The following HDLBP variants were observed in gnomAD, a reference collection of about 807,000 sequenced individuals.
The protein encoded by HDLBP is vigilin.
Under a neutral mutation model 137.3 loss-of-function variants are expected in HDLBP, and 30 were observed. The ratio of observed to expected loss-of-function variants is 0.22; its 90% CI spans 0.16 to 0.30. HDLBP has a LOEUF of 0.30. Ranked by LOEUF, HDLBP falls within the 10% of genes least tolerant of loss-of-function variation. HDLBP has a pLI of 1.00. For synonymous variants in HDLBP, 606 were observed against 596.0 expected, an observed-to-expected ratio of 1.02 and a Z score of -0.24; for missense variants, 1,119 against 1,667.3, an observed-to-expected ratio of 0.67 and a Z score of 5.73.
chr2:241,235,220 A>G lies in HDLBP; in HGVS notation c.3045T>C (p.Ser1015=). The G allele has an allele frequency of 6.2e-7, 1 of 1,614,196 alleles. No homozygotes were observed. ...CGAGGCCCGTGATGGCGATGATGTCAGACTGCAGCTCAGGTGCCGGGACAT... is the reference window on the plus strand; with the variant it reads ...CGAGGCCCGTGATGGCGATGATGTCGGACTGCAGCTCAGGTGCCGGGACAT... ...NIHVPAPELQ[S]DIIAITGLAA... Residue 1015 remains serine (S), a synonymous_variant, in exon 23 of 28, where the codon TCT becomes TCC. Coordinates refer to ENST00000310931, the MANE Select transcript of HDLBP (RefSeq NM_005336.6).
rs2072961470 is a variant in HDLBP at position 241,259,258 on chromosome 2, A to G, written c.451-2452T>C. ...TATTTTGCTTCTGCTCTCAAACAACAAACAACAAAGGATAAACCAGGACCA... is the reference window on the plus strand; with the variant it reads ...TATTTTGCTTCTGCTCTCAAACAACGAACAACAAAGGATAAACCAGGACCA... On this transcript the variant is annotated intron_variant, in intron 5 of 27. Coordinates refer to ENST00000310931, the MANE Select transcript of HDLBP (RefSeq NM_005336.6). Among the ~76,000 whole-genome samples, 6 of 152,344 alleles carry G rather than the reference A, an allele frequency of 3.9e-5. No individual in the cohort carries two copies. The South Asian group carries it at 1.0e-3, about 26-fold the overall frequency.
At chr2:241,262,565 G>A (rs1319699906) in intron 5 of HDLBP, 146 bp downstream of exon 5, 8 of 612,002 alleles carry the variant, frequency 1.3e-5, no homozygotes, top group South Asian at 8.6e-5. Context: ...AAATGCCAGA[G>A]GACTCTGAAT....
At chr2:241,304,182 C>CA (rs1412454068) in intron 1 of HDLBP, among the ~76,000 whole-genome samples, 1 of 152,216 alleles carries the variant, frequency 6.6e-6, no homozygotes, top group Non-Finnish European at 1.5e-5. Context: ...GTTCATCCCT[C>CA]AAAATACGTA....
chr2:241,285,438 C>G (rs1313861877), intron 1 of HDLBP, among the ~76,000 whole-genome samples: 2 of 152,186 alleles, frequency 1.3e-5, no homozygotes, highest in Non-Finnish European at 2.9e-5. Context: ...ACACAAAGCA[C>G]TATCACTGAC....
chr2:241,298,367 A>T (rs1228568885), intron 1 of HDLBP, among the ~76,000 whole-genome samples: 1 of 152,060 alleles, frequency 6.6e-6, no homozygotes, highest in Non-Finnish European at 1.5e-5. Flanking sequence ...CTCAGTCTGA[A>T]AAAATAATAA....
chr2:241,273,500 T>G (rs891544367), intron 1 of HDLBP: 2 of 734,692 alleles, frequency 2.7e-6, no homozygotes, highest in African/African-American at 1.9e-5. Flanking sequence ...ATCCCTACTC[T>G]CGGGGTCTCC....
rs2074543165 is a variant in HDLBP, at chr2:241,280,204, A to C, written c.-102-11663T>G. 1.0e-5 allele frequency: 8 copies of C among 768,098 alleles called. No homozygotes were observed. In the South Asian group the frequency reaches 4.1e-4, roughly 39 times the overall value. 47.6% of individuals were successfully genotyped at this position (768,098 alleles called of 1,614,324 possible). A position where few individuals can be genotyped will look rare whatever the true frequency, so the allele number is the denominator to read the frequency against. On this transcript the variant is annotated intron_variant, in intron 1 of 27. Transcript: ENST00000310931. ...ATCCCATTTGAAAGCTGAAAATTTA[A>C]AATTATATGTGGCTCATATTACATT... is the stretch of plus-strand genomic sequence containing the variant.
In HDLBP at chr2:241,236,754, G is replaced by A; in HGVS notation, c.2765C>T (p.Pro922Leu). ...REENAVHSTEPVVQENGDEAG... is the reference protein window; with the variant it reads ...REENAVHSTELVVQENGDEAG... ...TTCGTCCCCATTCTCCTGGACAACTGGCTCTGTACTGTGAACTAGAGAGAA... is the reference window on the plus strand; with the variant it reads ...TTCGTCCCCATTCTCCTGGACAACTAGCTCTGTACTGTGAACTAGAGAGAA... Residue 922 changes from proline to leucine, a missense_variant, in exon 21 of 28, where the codon CCA (proline) becomes CTA (leucine). By Grantham distance (98) the Pro-to-Leu change is moderately conservative. This residue lies in a region of HDLBP where 618 missense variants were observed against 816.7 expected (regional missense o/e 0.76). Transcript: ENST00000310931. 1 of 1,614,186 alleles carries A rather than the reference G, an allele frequency of 6.2e-7. No individual in the cohort carries two copies. The highest frequency in any genetic ancestry group is 8.5e-7 in the Non-Finnish European group (1 of 1,180,020).
chr2:241,247,748 C>T (rs2071792119), intron 14 of HDLBP, among the ~76,000 whole-genome samples: 2 of 152,234 alleles, frequency 1.3e-5, no homozygotes, highest in South Asian at 4.1e-4. Context: ...GGTAACTGGG[C>T]ATGAGAAAAG....
chr2:241,304,331 G>A (rs1261190731), intron 1 of HDLBP, among the ~76,000 whole-genome samples: 1 of 152,222 alleles, frequency 6.6e-6, no homozygotes, highest in African/African-American at 2.4e-5. Flanking sequence ...AAATGAAGAG[G>A]GGAGTTAGTC....
At chr2:241,286,748 T>C (rs2074827077) in intron 1 of HDLBP, among the ~76,000 whole-genome samples, 1 of 151,968 alleles carries the variant, frequency 6.6e-6, no homozygotes, top group Non-Finnish European at 1.5e-5. Flanking sequence ...TTTACAATGG[T>C]GAAACCCTGT....
intron 1 of HDLBP, among the ~76,000 whole-genome samples, chr2:241,301,536 A>C (rs1220766716): frequency 3.3e-5 from 5 of 152,208 alleles, no homozygotes. Flanking sequence ...GCCAGCAAAT[A>C]CTGGGGTGAA....
chr2:241,309,868 A>G (rs1336150186), intron 1 of HDLBP, among the ~76,000 whole-genome samples: 2 of 152,232 alleles, frequency 1.3e-5, no homozygotes, highest in African/African-American at 2.4e-5. Flanking sequence ...AAGGGCTACA[A>G]GATATTTCTC....
At chr2:241,288,313 G>A (rs1324580685) in intron 1 of HDLBP, among the ~76,000 whole-genome samples, 1 of 152,152 alleles carries the variant, frequency 6.6e-6, no homozygotes, top group East Asian at 1.9e-4. Flanking sequence ...TCAAGCCTTG[G>A]AAACTGAGAA....
At chr2:241,299,808 G>C (rs1231145460) in intron 1 of HDLBP, among the ~76,000 whole-genome samples, 1 of 151,944 alleles carries the variant, frequency 6.6e-6, no homozygotes, top group Non-Finnish European at 1.5e-5. Flanking sequence ...CCAGCTACTG[G>C]GGAGGCTGAG....
intron 12 of HDLBP, 71 bp from the exon 13 acceptor site, chr2:241,248,419 A>T: frequency 1.6e-6 from 2 of 1,250,050 alleles, no homozygotes; most frequent in Middle Eastern, 1.9e-4. Flanking sequence ...ACACAAGGGG[A>T]CACCAGGGAG....
At chr2:241,253,992 A>G (rs1443333280) in intron 9 of HDLBP, among the ~76,000 whole-genome samples, 1 of 152,182 alleles carries the variant, frequency 6.6e-6, no homozygotes, top group South Asian at 2.1e-4. Context: ...GAAGCTATAC[A>G]AAGTAAAAGG....
chr2:241,247,115 G>T lies in HDLBP; in HGVS notation c.1759C>A (p.Pro587Thr). ...LVENSYSISV[P>T]IFKQFHKNII... is the part of the protein sequence containing the mutation. ...TTCTTGTGAAACTGTTTGAAGATCGGAACAGAAATTGAATAGCTATTTTCC... is the reference window on the plus strand; with the variant it reads ...TTCTTGTGAAACTGTTTGAAGATCGTAACAGAAATTGAATAGCTATTTTCC... Residue 587 changes from proline to threonine, a missense_variant, in exon 15 of 28, where the codon CCG (proline) becomes ACG (threonine). By Grantham distance (38) the Pro-to-Thr change is conservative (BLOSUM62 -1). This residue lies in a region of HDLBP where 425 missense variants were observed against 693.9 expected (regional missense o/e 0.61). Coordinates refer to ENST00000310931, the MANE Select transcript of HDLBP (RefSeq NM_005336.6). 6.2e-7 allele frequency: 1 copy of T among 1,612,778 alleles called. No homozygotes were observed. The highest frequency in any genetic ancestry group is 8.5e-7 in the Non-Finnish European group (1 of 1,178,758).
chr2:241,267,967 T>C (rs1308676751), intron 2 of HDLBP: 1 of 983,944 alleles, frequency 1.0e-6, no homozygotes, highest in East Asian at 1.1e-4. Context: ...CATTCTGAGG[T>C]AGGAATGTTA....
Sources: gnomAD v4.1 joint callset for allele counts (sites outside exome capture counted in the v4.1 genomes callset) on GRCh38, gnomAD v4.1.1 for gene constraint, gnomAD v4.1.1 regional missense constraint, MANE v1.5 for transcripts, NCBI Gene and HGNC (gene_info 2026-07-23, HGNC 2026-07-21) for gene names.